The following CCDC102A variants were observed in gnomAD, a reference collection of about 807,000 sequenced individuals.
CCDC102A encodes the protein coiled-coil domain containing 102A.
CCDC102A carries 40 observed loss-of-function variants against 55.5 expected under a neutral mutation model. The ratio of observed to expected loss-of-function variants is 0.72; its 90% CI spans 0.56 to 0.94. The LOEUF (loss-of-function observed/expected upper bound fraction) is 0.94, where lower values mean the gene tolerates loss of function less well. Among genes scored for constraint, CCDC102A ranks in the 40% least tolerant of loss-of-function variants. The pLI is 0.00. For missense variants in CCDC102A, 779 were observed against 768.6 expected, an observed-to-expected ratio of 1.01 and a Z score of -0.16; for synonymous variants, 323 against 339.0, an observed-to-expected ratio of 0.95 and a Z score of 0.52.
intron 2 of CCDC102A, among the ~76,000 whole-genome samples, chr16:57,527,900 AGACTTTT>A (rs2032168941): frequency 6.6e-6 from 1 of 152,198 alleles, no homozygotes; most frequent in Non-Finnish European, 1.5e-5. Context: ...CTCGGCCTCT[AGACTTTT>A]TGCACAGGCA....
chr16:57,521,546 C>G (rs567099614), intron 3 of CCDC102A, among the ~76,000 whole-genome samples: 2 of 152,184 alleles, frequency 1.3e-5, no homozygotes. Context: ...TTGTTCTTCT[C>G]GAAGAGCTGT....
intron 1 of CCDC102A, among the ~76,000 whole-genome samples, chr16:57,535,232 C>G (rs1259196356): frequency 6.6e-6 from 1 of 152,224 alleles, no homozygotes; most frequent in South Asian, 2.1e-4. Context: ...TGCAGGACCT[C>G]TGGGGGGAGC....
At chr16:57,521,008 T>C in intron 4 of CCDC102A, 60 bp downstream of exon 4, 1 of 1,063,450 alleles carries the variant, frequency 9.4e-7, no homozygotes, top group Non-Finnish European at 1.5e-6. Flanking sequence ...TCTCCACTAC[T>C]GAAATTCAAC....
chr16:57,518,246 T>A lies in CCDC102A; in HGVS notation c.1070A>T (p.Glu357Val). ...CTCCAGCCGCTCCCGGCGGCCCCAC[T>A]CCGCAGCGTTTTCGGCCTGCAGCCG... The part of the protein sequence containing the change: ...MERLQAENAA[E>V]WGRRERLETE... The change falls in exon 6 of 9, where the codon GAG becomes GTG. Residue 357 changes from glutamate to valine, a missense_variant. Transcript: ENST00000258214. 6.2e-7 allele frequency: 1 copy of A among 1,610,980 alleles called. No individual in the cohort carries two copies. The highest frequency in any genetic ancestry group is 8.5e-7 in the Non-Finnish European group (1 of 1,179,906).
At chr16:57,535,465 A>G (rs902434962) in intron 1 of CCDC102A, among the ~76,000 whole-genome samples, 4 of 152,186 alleles carry the variant, frequency 2.6e-5, no homozygotes, top group Admixed American at 6.5e-5. Context: ...CAGCAAGGCC[A>G]GAGTAGGGAG....
At chr16:57,531,883 T>C (rs774946382) in intron 1 of CCDC102A, among the ~76,000 whole-genome samples, 30 of 151,916 alleles carry the variant, frequency 2.0e-4, no homozygotes, top group Non-Finnish European at 3.7e-4. Context: ...GAGCCAGGCA[T>C]TGGAGGTCTA....
chr16:57,536,800 C>T (rs547973822), upstream of CCDC102A, among the ~76,000 whole-genome samples: 1 of 152,246 alleles, frequency 6.6e-6, no homozygotes, highest in African/African-American at 2.4e-5. Flanking sequence ...CCAACGGAGG[C>T]CCCACCCCCG....
At chr16:57,514,099 T>C (rs1187282021) in intron 8 of CCDC102A, among the ~76,000 whole-genome samples, 1 of 152,154 alleles carries the variant, frequency 6.6e-6, no homozygotes, top group Non-Finnish European at 1.5e-5. Context: ...ATGCACAACA[T>C]GTAACCCAAA....
intron 8 of CCDC102A, among the ~76,000 whole-genome samples, chr16:57,513,587 TC>T (rs776211079): frequency 1.2e-4 from 19 of 152,220 alleles, no homozygotes; most frequent in Non-Finnish European, 2.5e-4. Context: ...GGCCCCACCC[TC>T]CCCGATGGAA....
chr16:57,521,765 C>T (rs2032056110), intron 3 of CCDC102A, among the ~76,000 whole-genome samples: 1 of 152,196 alleles, frequency 6.6e-6, no homozygotes. Context: ...CTGTAGGTAA[C>T]AAGCATGATG....
chr16:57,528,007 GTA>G (rs2032171470), intron 2 of CCDC102A, among the ~76,000 whole-genome samples: 1 of 152,202 alleles, frequency 6.6e-6, no homozygotes, highest in South Asian at 2.1e-4. Context: ...GAGTGCAGCA[GTA>G]TAGTCATATT....
In CCDC102A at chr16:57,528,596, G is replaced by A; in HGVS notation, c.582C>T (p.Ser194=). ...ACGCCCCGCCCGCGCCGCGCACCTG[G>A]CTGCCTGGCGGCCTCTCGGACCCGA... ...RDVGSERPPG[S]QELELVESLL... Residue 194 remains serine, a synonymous_variant, in exon 2 of 9, where the codon AGC becomes AGT. Coordinates refer to ENST00000258214, the MANE Select transcript of CCDC102A (RefSeq NM_033212.4). 8.0e-7 allele frequency: 1 copy of A among 1,255,940 alleles called. No individual in the cohort carries two copies. Among genetic ancestry groups the A allele is most frequent in the Non-Finnish European group, 1.0e-6 (1 of 993,534 alleles). 77.8% of individuals were successfully genotyped at this position (1,255,940 alleles called of 1,614,324 possible). A position where few individuals can be genotyped will look rare whatever the true frequency, so the allele number is the denominator to read the frequency against.
Position 57,515,427 on chromosome 16 carries a change from G to A in CCDC102A, c.1437C>T (p.Asn479=), listed in dbSNP as rs1351098445. ...GCGACCGCTGCAGCTTACGTGCCTG[G>A]TTGTGGGCCTCGTCCAGCTGTGGGG... is the stretch of plus-strand genomic sequence containing the variant. ...QAEDELDEAH[N]QARKLQRSLD... Residue 479 remains asparagine (N), a synonymous_variant, in exon 8 of 9, where the codon AAC becomes AAT. Transcript: ENST00000258214. 6.2e-7 allele frequency: 1 copy of A among 1,605,986 alleles called. No homozygotes were observed. The highest frequency in any genetic ancestry group is 8.5e-7 in the Non-Finnish European group (1 of 1,178,090).
intron 4 of CCDC102A, among the ~76,000 whole-genome samples, chr16:57,520,557 A>ATAACG (rs1398582831): frequency 8.4e-5 from 11 of 131,282 alleles, no homozygotes; most frequent in African/African-American, 3.7e-4. Context: ...ATAACATAAC[A>ATAACG]TAACATAACA....
chr16:57,528,922 G>T lies in CCDC102A; in HGVS notation c.256C>A (p.Arg86=). 1 of 1,399,458 alleles carries T rather than the reference G, an allele frequency of 7.1e-7. No homozygotes were observed. The highest frequency in any genetic ancestry group is 9.4e-7 in the Non-Finnish European group (1 of 1,066,884). The allele number at this position is 1,399,458 out of a possible 1,614,324, so 86.7% of individuals were successfully genotyped here. A position where few individuals can be genotyped will look rare whatever the true frequency, so the allele number is the denominator to read the frequency against. ...ATGGTCTTCTCCATCTGCGCCGCCC[G>T]CGCCCGCGCCTCCTCCAGCTCCCGC... is the stretch of plus-strand genomic sequence containing the variant. ...RLRELEEARA[R]AAQMEKTMRR... is the part of the protein sequence containing the mutation. Residue 86 remains arginine (R), a synonymous_variant, in exon 2 of 9, where the codon CGG becomes AGG. Transcript: ENST00000258214.
chr16:57,518,129 G>A lies in CCDC102A; in HGVS notation c.1187C>T (p.Thr396Ile). 2 of 1,609,874 alleles carry A rather than the reference G, an allele frequency of 1.2e-6. No individual in the cohort carries two copies. The change falls in exon 6 of 9, where the codon ACA (threonine) becomes ATA (isoleucine). Residue 396 changes from threonine (T) to isoleucine (I), a missense_variant. Thr to Ile is a moderately conservative substitution (Grantham distance 89, BLOSUM62 -1). Transcript: ENST00000258214. ...EEALARRRRQ[T>I]ASALDCDLRA... The stretch of plus-strand genomic sequence containing the variant: ...CAGGTCGCAGTCCAGTGCGCTGGCT[G>A]TTTGCCGCCGCCGCCGGGCCAGCGC...
At chr16:57,515,639 C>T (rs1242628554) in intron 7 of CCDC102A, among the ~76,000 whole-genome samples, 195 bp from the exon 8 acceptor site, 3 of 152,074 alleles carry the variant, frequency 2.0e-5, no homozygotes, top group Non-Finnish European at 4.4e-5. Flanking sequence ...CCCTTTGCCT[C>T]CTCTTGCACA....
At position 57,528,895 on chromosome 16, in the gene CCDC102A, G is replaced by C; in HGVS notation, c.283C>G (p.Arg95Gly). ...ARAAQMEKTM[R>G]RWSDCTANWR... ...TTGGCAGTGCAGTCCGACCACCGGC[G>C]CATGGTCTTCTCCATCTGCGCCGCC... Residue 95 changes from arginine to glycine, a missense_variant, in exon 2 of 9, where the codon CGC becomes GGC. Transcript: ENST00000258214. 2 of 1,400,664 alleles carry C rather than the reference G, an allele frequency of 1.4e-6. No individual in the cohort carries two copies. Among genetic ancestry groups the C allele is most frequent in the South Asian group, 1.3e-5 (1 of 77,760 alleles). The allele number at this position is 1,400,664 out of a possible 1,614,324, so 86.8% of individuals were successfully genotyped here.
At position 57,515,349 on chromosome 16, in the gene CCDC102A, C is replaced by A; in HGVS notation, c.1515G>T (p.Leu505=). The A allele has an allele frequency of 5.0e-6, 8 of 1,592,856 alleles. No homozygotes were observed. The highest frequency in any genetic ancestry group is 6.9e-6 in the Non-Finnish European group (8 of 1,167,618). ...CCCTGCCCGGGGCCCACCTGGACTG[C>A]AGGTGCTCCAGTTGCACTTGCAGGT... ...SENLQVQLEH[L]QSRLRRQQQN... Residue 505 remains leucine (L), a synonymous_variant, in exon 8 of 9, where the codon CTG becomes CTT. Coordinates refer to ENST00000258214, the MANE Select transcript of CCDC102A (RefSeq NM_033212.4).
Sources: allele counts gnomAD v4.1 joint callset (sites outside exome capture counted in the v4.1 genomes callset), GRCh38; gene constraint gnomAD v4.1.1; transcripts MANE v1.5; gene names NCBI Gene and HGNC (gene_info 2026-07-23, HGNC 2026-07-21).